The following RNFT2 variants were observed in gnomAD, a reference collection of about 807,000 sequenced individuals.
RNFT2 encodes E3 ubiquitin-protein ligase RNFT2.
Under a neutral mutation model 53.0 loss-of-function variants are expected in RNFT2, and 36 were observed. The ratio of observed to expected loss-of-function variants is 0.68; its 90% CI spans 0.52 to 0.90. RNFT2 has a LOEUF of 0.90. Ranked by LOEUF, RNFT2 falls within the 40% of genes least tolerant of loss-of-function variation. RNFT2 has a pLI of 0.00. For synonymous variants in RNFT2, 260 were observed against 253.2 expected, an observed-to-expected ratio of 1.03 and a Z score of -0.26; for missense variants, 514 against 585.6, an observed-to-expected ratio of 0.88 and a Z score of 1.26.
chr12:116,840,974 T>C (rs1877219250), intron 10 of RNFT2, among the ~76,000 whole-genome samples: 1 of 152,038 alleles, frequency 6.6e-6, no homozygotes, highest in African/African-American at 2.4e-5. Context: ...TTTTCAGTAA[T>C]GTCATTTTTC....
chr12:116,841,954 T>TAGAG (rs1292152384), intron 10 of RNFT2, among the ~76,000 whole-genome samples: 1 of 19,726 alleles, frequency 5.1e-5, no homozygotes, highest in African/African-American at 3.5e-4. Flanking sequence ...TATAAATATA[T>TAGAG]ATATAGAGAG....
intron 7 of RNFT2, among the ~76,000 whole-genome samples, chr12:116,784,212 T>C (rs946173292): frequency 6.6e-6 from 1 of 152,208 alleles, no homozygotes; most frequent in Non-Finnish European, 1.5e-5. Flanking sequence ...GACTCAGAGA[T>C]GAGAGTACAA....
chr12:116,762,653 C>G, intron 5 of RNFT2, among the ~76,000 whole-genome samples: 1 of 150,678 alleles, frequency 6.6e-6, no homozygotes. Context: ...AATCTCGGCT[C>G]ACTGCAACCT....
chr12:116,845,134 C>G (rs950798902), intron 10 of RNFT2, among the ~76,000 whole-genome samples: 4 of 151,052 alleles, frequency 2.6e-5, no homozygotes, highest in African/African-American at 9.8e-5. Flanking sequence ...GTTGTAGCTA[C>G]TTGGGAGATT....
chr12:116,832,228 C>T (rs1274623856), intron 7 of RNFT2, among the ~76,000 whole-genome samples: 1 of 150,428 alleles, frequency 6.6e-6, no homozygotes, highest in African/African-American at 2.5e-5. Context: ...CTCCCCACCT[C>T]TCACCCCAGA....
rs754765081 is a variant in RNFT2 at position 116,741,074 on chromosome 12, G to A, written c.63G>A (p.Thr21=). The A allele has an allele frequency of 2.7e-5, 43 of 1,610,630 alleles. No homozygotes were observed. In the Middle Eastern group the frequency reaches 6.6e-4, roughly 25 times the overall value. Residue 21 remains threonine, a synonymous_variant, in exon 3 of 11, where the codon ACG becomes ACA. Coordinates refer to ENST00000257575, the MANE Select transcript of RNFT2 (RefSeq NM_001382266.1). ...RKMQRRHSSN[T]DNIPPERNRS... ...TGCAGAGACGCCACAGCAGCAACAC[G>A]GATAACATTCCACCTGAAAGGTAGG...
At chr12:116,758,123 G>A (rs569960052) in intron 5 of RNFT2, among the ~76,000 whole-genome samples, 1 of 152,228 alleles carries the variant, frequency 6.6e-6, no homozygotes, top group African/African-American at 2.4e-5. Flanking sequence ...AGTTTGTTTT[G>A]TCTGATATAA....
intron 6 of RNFT2, among the ~76,000 whole-genome samples, chr12:116,777,510 C>T (rs555541708): frequency 1.3e-5 from 2 of 152,306 alleles, no homozygotes; most frequent in Middle Eastern, 3.4e-3. Context: ...GTTTACACTA[C>T]TCAGCTGTAG....
chr12:116,739,829 C>T (rs1025062289), intron 1 of RNFT2, among the ~76,000 whole-genome samples: 1 of 152,192 alleles, frequency 6.6e-6, no homozygotes, highest in African/African-American at 2.4e-5. Flanking sequence ...ACTGGGCAGC[C>T]GTTGGAGGGT....
chr12:116,830,207 A>G (rs977049419), intron 7 of RNFT2, among the ~76,000 whole-genome samples: 1 of 152,172 alleles, frequency 6.6e-6, no homozygotes, highest in Non-Finnish European at 1.5e-5. Context: ...ATGAACATCA[A>G]TACTGTTACT....
chr12:116,841,494 TCCCAGCA>T (rs1214580098), intron 10 of RNFT2, among the ~76,000 whole-genome samples: 1 of 150,914 alleles, frequency 6.6e-6, no homozygotes, highest in Non-Finnish European at 1.5e-5. Flanking sequence ...ACACCTGTAA[TCCCAGCA>T]CTTTGGGAGG....
intron 3 of RNFT2, among the ~76,000 whole-genome samples, chr12:116,743,238 A>AAAAAAAAAAAAAAAAAAAAAAAT (rs1871720360): frequency 8.8e-6 from 1 of 114,262 alleles, no homozygotes; most frequent in Non-Finnish European, 1.9e-5. Context: ...AAAAAAAAAA[A>AAAAAAAAAAAAAAAAAAAAAAAT]AAAAAACCGG....
Position 116,852,202 on chromosome 12 carries a change from A to G in RNFT2, c.*2754A>G, listed in dbSNP as rs1423993267. 6 of 1,244,186 alleles carry G rather than the reference A, an allele frequency of 4.8e-6. No homozygotes were observed. Among genetic ancestry groups the G allele is most frequent in the African/African-American group, 3.0e-5 (2 of 66,760 alleles). The allele number at this position is 1,244,186 out of a possible 1,614,324, so 77.1% of individuals were successfully genotyped here. On this transcript the variant is annotated 3_prime_UTR_variant, in exon 11 of 11. Coordinates refer to ENST00000257575, the MANE Select transcript of RNFT2 (RefSeq NM_001382266.1). ...ACCTCAGCACAACAGGCTGGCGCCA[A>G]TGGCATTACAGAGAAAGCAATCTGT...
chr12:116,831,920 G>A (rs550542679), intron 7 of RNFT2, among the ~76,000 whole-genome samples: 18 of 151,794 alleles, frequency 1.2e-4, no homozygotes, highest in African/African-American at 3.9e-4. Context: ...CTTGAGCCCA[G>A]GAGTTTGAGA....
intron 7 of RNFT2, among the ~76,000 whole-genome samples, chr12:116,788,962 ATGGAT>A (rs1285373442): frequency 1.2e-4 from 14 of 114,704 alleles, no homozygotes; most frequent in Non-Finnish European, 2.2e-4. Flanking sequence ...AGAGGGATGG[ATGGAT>A]GGATGGATGG....
chr12:116,813,125 T>G (rs565995978), intron 7 of RNFT2, among the ~76,000 whole-genome samples: 167 of 152,024 alleles, frequency 1.1e-3, no homozygotes, highest in African/African-American at 3.2e-3. Flanking sequence ...CTGGCTAATT[T>G]TTTTTGTATT....
Position 116,833,797 on chromosome 12 carries a change from G to T in RNFT2, c.888G>T (p.Lys296Asn), listed in dbSNP as rs770115475. 1.2e-6 allele frequency: 2 copies of T among 1,613,260 alleles called. No individual in the cohort carries two copies. The highest frequency in any genetic ancestry group is 2.2e-5 in the South Asian group (2 of 90,940). The change falls in exon 8 of 11, where the codon AAG becomes AAT. Residue 296 changes from lysine to asparagine, a missense_variant. Coordinates refer to ENST00000257575, the MANE Select transcript of RNFT2 (RefSeq NM_001382266.1). ...KIILAVKSKG[K>N]FYLVIEELSQ... is the part of the protein sequence containing the mutation. ...TGTTCTCTGTGTGGTTGCAGGGAAA[G>T]TTCTATCTGGTCATCGAGGAGCTGA...
rs10634667 is a variant in RNFT2 at position 116,776,916 on chromosome 12, A to ATTTT, written c.729-2263_729-2260dup. The stretch of plus-strand genomic sequence containing the variant: ...CCCAGTGTCCTCAGCTCAAAATGGG[A>ATTTT]TTTTTTTTTTTTTTTTTTTGAGAAG... On this transcript the variant is annotated intron_variant, in intron 6 of 10. Transcript: ENST00000257575. Among the ~76,000 whole-genome samples the ATTTT allele has an allele frequency of 1.9e-3, 245 of 125,892 alleles. 6 individuals carry two copies. Among genetic ancestry groups the ATTTT allele is most frequent in the Admixed American group, 3.5e-3 (39 of 11,030 alleles). 82.6% of individuals were successfully genotyped at this position (125,892 alleles called of 152,430 possible).
intron 5 of RNFT2, among the ~76,000 whole-genome samples, chr12:116,759,002 G>T (rs1281922243): frequency 6.6e-6 from 1 of 151,982 alleles, no homozygotes; most frequent in Non-Finnish European, 1.5e-5. Flanking sequence ...ATTATTCTTA[G>T]GTTTGGTCAT....
Sources: allele counts gnomAD v4.1 joint callset (sites outside exome capture counted in the v4.1 genomes callset), GRCh38; gene constraint gnomAD v4.1.1; transcripts MANE v1.5; gene names NCBI Gene and HGNC (gene_info 2026-07-23, HGNC 2026-07-21).